Variants in MAN1C1 observed in about 807,000 individuals in gnomAD.
MAN1C1 encodes mannosidase alpha class 1C member 1.
A neutral mutation model predicts 71.5 loss-of-function variants in MAN1C1; 49 were observed. The observed-to-expected ratio is 0.69, with a 90% CI of 0.54 to 0.87. The LOEUF is 0.87. Ranked by LOEUF, MAN1C1 falls within the 40% of genes least tolerant of loss-of-function variation. The pLI, the probability that MAN1C1 is intolerant of heterozygous loss-of-function variation, is 0.00. For missense variants in MAN1C1, 743 were observed against 835.0 expected (o/e 0.89, Z 1.36); for synonymous variants, 352 against 343.7 (o/e 1.02, Z -0.27).
At position 25,700,547 on chromosome 1, in the gene MAN1C1, C is replaced by T. The variant is rs115091734; in HGVS notation, c.637+14011C>T. ...AATGAGCAGAACACAGTGGGCTCCTCGGAGAGAAGACACAGGCCATCCCCC... is the reference window on the plus strand; with the variant it reads ...AATGAGCAGAACACAGTGGGCTCCTTGGAGAGAAGACACAGGCCATCCCCC... On this transcript the variant is annotated intron_variant, in intron 2 of 11. Transcript: ENST00000374332. Among the ~76,000 whole-genome samples the T allele has an allele frequency of 9.8e-3, 1,485 of 152,280 alleles. 27 individuals are homozygous for T. Among genetic ancestry groups the T allele is most frequent in the African/African-American group, 0.032 (1,317 of 41,528 alleles).
chr1:25,683,396 G>A (rs887114411), intron 1 of MAN1C1, among the ~76,000 whole-genome samples: 1 of 152,218 alleles, frequency 6.6e-6, no homozygotes, highest in African/African-American at 2.4e-5. Flanking sequence ...TTCCAGCCAC[G>A]TGTTAAGCTC....
At chr1:25,623,170 T>A (rs950135328) in intron 1 of MAN1C1, among the ~76,000 whole-genome samples, 1 of 152,168 alleles carries the variant, frequency 6.6e-6, no homozygotes. Context: ...GGAAAACCCT[T>A]ACATCCTCAG....
At position 25,730,534 on chromosome 1, in the gene MAN1C1, A is replaced by G; in HGVS notation, c.638-16134A>G. Among the ~76,000 whole-genome samples, 1 of 152,216 alleles carries G rather than the reference A, an allele frequency of 6.6e-6. No individual in the cohort carries two copies. The highest frequency in any genetic ancestry group is 6.5e-5 in the Admixed American group (1 of 15,280). Reference sequence around the variant, plus strand: ...GTTCTGAGAACTGCTCTCGCCAGGAAAGCCTTGAAATGCTCCTGGGCTTCG... The same window carrying G: ...GTTCTGAGAACTGCTCTCGCCAGGAGAGCCTTGAAATGCTCCTGGGCTTCG... On this transcript the variant is annotated intron_variant, in intron 2 of 11. Transcript: ENST00000374332. The surrounding 1 kb of genome is among the most constrained non-coding windows in gnomAD (Gnocchi z 4.3).
At chr1:25,656,238 C>T (rs1054210735) in intron 1 of MAN1C1, among the ~76,000 whole-genome samples, 8 of 151,420 alleles carry the variant, frequency 5.3e-5, no homozygotes, top group South Asian at 4.2e-4. Context: ...GCTGGGACTA[C>T]AGGCATGCAC....
intron 1 of MAN1C1, among the ~76,000 whole-genome samples, chr1:25,660,006 C>T (rs955250997): frequency 7.9e-5 from 12 of 152,138 alleles, no homozygotes; most frequent in Non-Finnish European, 8.8e-5. Flanking sequence ...CTGTTTGCCA[C>T]AGAAATTGGC....
At chr1:25,696,242 T>C (rs1392403076) in intron 2 of MAN1C1, among the ~76,000 whole-genome samples, 1 of 152,156 alleles carries the variant, frequency 6.6e-6, no homozygotes, top group Non-Finnish European at 1.5e-5. Context: ...GCAAACCCTG[T>C]GACAAATAGG....
chr1:25,617,022 G>A lies in MAN1C1; in HGVS notation c.-776G>A, dbSNP rs4659365. 0.045 allele frequency among the ~76,000 whole-genome samples: 6,905 copies of A among 151,794 alleles called. 228 individuals carry two copies. Among genetic ancestry groups the A allele is most frequent in the Non-Finnish European group, 0.068 (4,582 of 67,816 alleles). ...CGCGCCCTGCCGAGTTCGAGGGGCG[G>A]GAGCCCGCGCTCCCGGGCGCATCTG... is the stretch of plus-strand genomic sequence containing the variant. On this transcript the variant is annotated 5_prime_UTR_variant, in exon 1 of 12. Transcript: ENST00000374332. This position sits in a 1 kb window ranked among gnomAD's most constrained non-coding sequence, Gnocchi z 5.1.
intron 2 of MAN1C1, among the ~76,000 whole-genome samples, chr1:25,712,361 G>C (rs557503470): frequency 1.8e-4 from 28 of 152,298 alleles, no homozygotes; most frequent in African/African-American, 6.3e-4. Flanking sequence ...CCCCTGGGTG[G>C]GCTGCTCTCA....
intron 5 of MAN1C1, among the ~76,000 whole-genome samples, chr1:25,757,672 C>T (rs182555728): frequency 3.9e-5 from 6 of 152,292 alleles, no homozygotes; most frequent in Admixed American, 3.3e-4. Flanking sequence ...GTGGTTTGCC[C>T]GAGGGCTCCA....
intron 2 of MAN1C1, among the ~76,000 whole-genome samples, chr1:25,691,938 G>A (rs1269495243): frequency 6.6e-6 from 1 of 152,198 alleles, no homozygotes; most frequent in East Asian, 1.9e-4. Context: ...ATAAATCTGT[G>A]TAGTCCGTGA....
Position 25,668,193 on chromosome 1 carries a change from ATATT to A in MAN1C1, c.541-18242_541-18239del, listed in dbSNP as rs546097046. ...GGGAAACGAGGTGCATTTTTTTCAG[ATATT>A]TATTAAGTTCTCAGCTCAGCTGTCA... is the stretch of plus-strand genomic sequence containing the variant. On this transcript the variant is annotated intron_variant, in intron 1 of 11. Transcript: ENST00000374332. Among the ~76,000 whole-genome samples the A allele has an allele frequency of 1.9e-3, 287 of 152,186 alleles. 1 individual carries two copies. Among genetic ancestry groups the A allele is most frequent in the African/African-American group, 6.5e-3 (271 of 41,514 alleles).
intron 1 of MAN1C1, among the ~76,000 whole-genome samples, chr1:25,675,072 T>TATTG (rs918949391): frequency 2.0e-5 from 3 of 152,338 alleles, no homozygotes; most frequent in Non-Finnish European, 4.4e-5. Context: ...GGCTGCTTTT[T>TATTG]ATTGATTGAT....
Position 25,764,099 on chromosome 1 carries a change from G to C in MAN1C1, c.1141+132G>C. Reference sequence around the variant, plus strand: ...CATGCAGCCAGCAAGGCATTCGCTCGGTGCTCCTGGACACCACCTGCCTTC... The same window carrying C: ...CATGCAGCCAGCAAGGCATTCGCTCCGTGCTCCTGGACACCACCTGCCTTC... On this transcript the variant is annotated intron_variant, in intron 7 of 11. Coordinates refer to ENST00000374332, the MANE Select transcript of MAN1C1 (RefSeq NM_020379.4). The surrounding 1 kb of genome is among the most constrained non-coding windows in gnomAD (Gnocchi z 4.4). 1.4e-6 allele frequency: 1 copy of C among 709,790 alleles called. No individual in the cohort carries two copies. The highest frequency in any genetic ancestry group is 2.4e-6 in the Non-Finnish European group (1 of 415,774). The allele number at this position is 709,790 out of a possible 1,614,324, so 44.0% of individuals were successfully genotyped here.
intron 2 of MAN1C1, among the ~76,000 whole-genome samples, chr1:25,724,142 C>T (rs1383579755): frequency 1.3e-5 from 2 of 151,964 alleles, no homozygotes. Context: ...GATTCTCCTG[C>T]CTCAGCCTCC....
At chr1:25,677,522 A>G (rs1171688828) in intron 1 of MAN1C1, among the ~76,000 whole-genome samples, 1 of 151,882 alleles carries the variant, frequency 6.6e-6, no homozygotes, top group East Asian at 1.9e-4. Flanking sequence ...TCTCATGTTG[A>G]TTGGTTCCGA....
In MAN1C1 at chr1:25,735,079, C is replaced by G. The variant is rs1250873720; in HGVS notation, c.638-11589C>G. ...CTGGAGAGAGTGGGCCACATGGAAGCAGTAGTTTGCCTAGAATGTGGAACA... is the reference window on the plus strand; with the variant it reads ...CTGGAGAGAGTGGGCCACATGGAAGGAGTAGTTTGCCTAGAATGTGGAACA... On this transcript the variant is annotated intron_variant, in intron 2 of 11. Transcript: ENST00000374332. This position sits in a 1 kb window ranked among gnomAD's most constrained non-coding sequence, Gnocchi z 4.6. 6.6e-6 allele frequency among the ~76,000 whole-genome samples: 1 copy of G among 152,052 alleles called. No individual in the cohort carries two copies. The highest frequency in any genetic ancestry group is 1.5e-5 in the Non-Finnish European group (1 of 68,012).
At chr1:25,643,050 C>CT (rs2045558408) in intron 1 of MAN1C1, among the ~76,000 whole-genome samples, 1 of 152,054 alleles carries the variant, frequency 6.6e-6, no homozygotes, top group Non-Finnish European at 1.5e-5. Context: ...GCAGCAGAGT[C>CT]TAAGATGTTT....
At position 25,691,403 on chromosome 1, in the gene MAN1C1, G is replaced by A. The variant is rs114110559; in HGVS notation, c.637+4867G>A. On this transcript the variant is annotated intron_variant, in intron 2 of 11. Transcript: ENST00000374332. ...GCTGCTTTGCCACTGCATGACCTTG[G>A]GCGAGTTTCTTAACTTCTCTGGGCC... Among the ~76,000 whole-genome samples the A allele has an allele frequency of 1.8e-3, 276 of 152,262 alleles. 2 individuals carry two copies. Among genetic ancestry groups the A allele is most frequent in the African/African-American group, 5.7e-3 (237 of 41,536 alleles).
intron 1 of MAN1C1, among the ~76,000 whole-genome samples, chr1:25,680,669 A>G (rs536061512): frequency 6.6e-6 from 1 of 152,328 alleles, no homozygotes; most frequent in African/African-American, 2.4e-5. Flanking sequence ...CATCTGAATA[A>G]TATTCCATTG....
Sources: gnomAD v4.1 joint callset for allele counts (sites outside exome capture counted in the v4.1 genomes callset) on GRCh38, gnomAD v4.1.1 for gene constraint, Gnocchi (gnomAD v3.1) non-coding constraint, MANE v1.5 for transcripts, NCBI Gene and HGNC (gene_info 2026-07-23, HGNC 2026-07-21) for gene names.